PDE4C: variants seen among roughly 807,000 people sequenced by gnomAD.
The protein encoded by PDE4C is phosphodiesterase 4C.
A neutral mutation model predicts 63.9 loss-of-function variants in PDE4C; 50 were observed. The observed-to-expected ratio is 0.78, with a 90% confidence interval of 0.62 to 0.99. The LOEUF (loss-of-function observed/expected upper bound fraction) is 0.99. Among genes scored for constraint, PDE4C ranks in the 50% least tolerant of loss-of-function variants. The pLI, the probability that PDE4C is intolerant of heterozygous loss-of-function variation, is 0.00. For missense variants in PDE4C, 777 were observed against 899.1 expected (o/e 0.86, Z 1.74); for synonymous variants, 377 against 385.1 (o/e 0.98, Z 0.25).
At chr19:18,225,132 G>T (rs1968671733) in intron 1 of PDE4C, among the ~76,000 whole-genome samples, 1 of 152,186 alleles carries the variant, frequency 6.6e-6, no homozygotes, top group Admixed American at 6.5e-5. Flanking sequence ...GCGGGGTCAG[G>T]CTGTGGTTCC....
At chr19:18,250,499 C>A, upstream of PDE4C, 1 of 398,962 alleles carries the variant, frequency 2.5e-6, no homozygotes, top group East Asian at 3.6e-5. Context: ...AGAGTCAGCA[C>A]TGGGTCCTAT....
intron 1 of PDE4C, chr19:18,224,393 G>A (rs1968634586): frequency 2.0e-6 from 2 of 985,456 alleles, no homozygotes; most frequent in Admixed American, 1.2e-4. Context: ...CCACGAGCTG[G>A]GTCGGCACCC....
At chr19:18,217,971 C>T (rs1294815522) in intron 11 of PDE4C, among the ~76,000 whole-genome samples, 178 bp downstream of exon 11, 2 of 152,172 alleles carry the variant, frequency 1.3e-5, no homozygotes, top group Non-Finnish European at 2.9e-5. Context: ...CATTTGTTGG[C>T]ACCTACTGTG....
chr19:18,212,934 C>T (rs1968022154), intron 13 of PDE4C, among the ~76,000 whole-genome samples: 1 of 148,430 alleles, frequency 6.7e-6, no homozygotes. Flanking sequence ...GATCTGCCTG[C>T]CTCGGCCTCC....
At chr19:18,240,523 C>G (rs530736405) in intron 1 of PDE4C, among the ~76,000 whole-genome samples, 4 of 151,362 alleles carry the variant, frequency 2.6e-5, no homozygotes. Flanking sequence ...ATCAAGAGAT[C>G]GAGACCAGCC....
At chr19:18,226,666 C>A (rs1968742508), upstream of PDE4C, among the ~76,000 whole-genome samples, 1 of 144,040 alleles carries the variant, frequency 6.9e-6, no homozygotes, top group South Asian at 2.1e-4. Context: ...AGTGCAGTGG[C>A]ACAGTCCTAG....
intron 1 of PDE4C, among the ~76,000 whole-genome samples, chr19:18,232,595 A>T (rs1968872214): frequency 6.6e-6 from 1 of 152,004 alleles, no homozygotes; most frequent in Non-Finnish European, 1.5e-5. Flanking sequence ...GGAGACACAC[A>T]GGCACACCCA....
In PDE4C at chr19:18,218,418, G is replaced by A. The variant is rs571720694; in HGVS notation, c.1050C>T (p.His350=). ...GGCTGTTGTGGTAGGCCACATTGGC[G>A]TGGTAGTGACCTTCCAGCATCAGCA... The change falls in exon 10 of 15, where the codon CAC becomes CAT. Residue 350 remains histidine, a synonymous_variant. Coordinates refer to ENST00000262805, the Ensembl canonical transcript of PDE4C. The A allele has an allele frequency of 1.0e-4, 167 of 1,614,232 alleles. 1 individual carries two copies. The highest frequency in any genetic ancestry group is 5.9e-4 in the South Asian group (54 of 91,090).
At chr19:18,228,011 T>A (rs1423236966), upstream of PDE4C, among the ~76,000 whole-genome samples, 4 of 152,092 alleles carry the variant, frequency 2.6e-5, no homozygotes, top group African/African-American at 4.8e-5. Flanking sequence ...CCCCGCAGTC[T>A]TGCAACCAGA....
Position 18,219,334 on chromosome 19 carries a change from C to T in PDE4C, c.770G>A (p.Arg257Gln), listed in dbSNP as rs34503849. 4,176 of 1,613,952 alleles carry T rather than the reference C, an allele frequency of 2.6e-3. 91 individuals carry two copies. In the African/African-American group the frequency reaches 0.048, roughly 19 times the overall value. ...GCAGAGCCCATGTAGGCCACTGATC[C>T]GGGACATGGGCTGTGGGGCCTCCTC... The change falls in exon 8 of 15, where the codon CGG becomes CAG. Residue 257 changes from arginine (R) to glutamine (Q), a missense_variant. Physicochemically the swap from Arg to Gln is conservative, Grantham distance 43. Transcript: ENST00000262805.
At chr19:18,212,198 T>A (rs187783500) in intron 13 of PDE4C, among the ~76,000 whole-genome samples, 2,075 of 144,514 alleles carry the variant, frequency 0.014, 49 homozygotes, top group African/African-American at 0.049. Context: ...TTTTTTTTTT[T>A]AATGAGTTAG....
chr19:18,228,433 C>T (rs1376656637), upstream of PDE4C, among the ~76,000 whole-genome samples: 1 of 152,054 alleles, frequency 6.6e-6, no homozygotes, highest in Non-Finnish European at 1.5e-5. Context: ...GCTACTGAGG[C>T]ACAGAAAGGC....
chr19:18,248,822 AGACCATCCT>A (rs72192800), upstream of PDE4C, among the ~76,000 whole-genome samples: 49,569 of 151,502 alleles, frequency 0.33, 8,211 homozygotes, highest in South Asian at 0.43. Flanking sequence ...CAGGAGATCG[AGACCATCCT>A]GGCCAACATG....
exon 13 of PDE4C, chr19:18,213,369 T>G: frequency 6.2e-7 from 1 of 1,612,874 alleles, no homozygotes; most frequent in Non-Finnish European, 8.5e-7. Flanking sequence ...GCTACACACC[T>G]GGATTCGGTC....
At chr19:18,240,425 CAAAA>C (rs35192077) in intron 1 of PDE4C, among the ~76,000 whole-genome samples, 1 of 114,350 alleles carries the variant, frequency 8.7e-6, no homozygotes. Context: ...GAAACTCTGT[CAAAA>C]AAAAAAAAAA....
chr19:18,211,640 C>T, intron 14 of PDE4C, 119 bp downstream of exon 14: 2 of 1,142,996 alleles, frequency 1.7e-6, no homozygotes, highest in South Asian at 1.4e-5. Context: ...CCAGACAGCA[C>T]CCTTCAGGCA....
chr19:18,221,049 T>TCCGCCAGGCCCCCCCCCCCCCC, intron 4 of PDE4C, 56 bp downstream of exon 4: 2 of 1,239,968 alleles, frequency 1.6e-6, no homozygotes, highest in Non-Finnish European at 2.3e-6. Context: ...CAGCCCGCTT[T>TCCGCCAGGCCCCCCCCCCCCCC]CCGCCCACCT....
At position 18,219,225 on chromosome 19, in the gene PDE4C, G is replaced by A; in HGVS notation, c.870+9C>T. On this transcript the variant is annotated intron_variant, in intron 8 of 14. Transcript: ENST00000262805. Reference sequence around the variant, plus strand: ...AACCTTGATCTTGGCATTGTGGTTGGGGACCCACCTTGGCCAGTTGCTCCT... The same window carrying A: ...AACCTTGATCTTGGCATTGTGGTTGAGGACCCACCTTGGCCAGTTGCTCCT... 1 of 1,614,078 alleles carries A rather than the reference G, an allele frequency of 6.2e-7. No individual in the cohort carries two copies. Among genetic ancestry groups the A allele is most frequent in the Non-Finnish European group, 8.5e-7 (1 of 1,180,030 alleles).
intron 1 of PDE4C, among the ~76,000 whole-genome samples, chr19:18,231,870 A>G (rs1044521936): frequency 2.6e-5 from 4 of 151,518 alleles, no homozygotes; most frequent in Non-Finnish European, 4.4e-5. Context: ...ACCCCACCCC[A>G]CTCAACTTAC....
Sources: allele counts gnomAD v4.1 joint callset (sites outside exome capture counted in the v4.1 genomes callset), GRCh38; gene constraint gnomAD v4.1.1; transcripts MANE v1.5; gene names NCBI Gene and HGNC (gene_info 2026-07-23, HGNC 2026-07-21).